OXNAD1: variants seen among roughly 807,000 people sequenced by gnomAD.
OXNAD1 encodes oxidoreductase NAD binding domain containing 1.
Under a neutral mutation model 32.9 loss-of-function variants are expected in OXNAD1, and 34 were observed. That is an observed-to-expected ratio of 1.03 (90% CI 0.79 to 1.38). OXNAD1 has a LOEUF of 1.38. Ranked by LOEUF, OXNAD1 falls within the 40% of genes most tolerant of loss-of-function variation. The probability of loss-of-function intolerance (pLI) is 0.00; values close to 1 mark genes in which losing one functional copy is unlikely to be tolerated. For synonymous variants in OXNAD1, 134 were observed against 135.2 expected (o/e 0.99, Z 0.06); for missense variants, 407 against 379.4 (o/e 1.07, Z -0.60).
At chr3:16,272,865 T>A (rs1163330492) in intron 4 of OXNAD1, among the ~76,000 whole-genome samples, 1 of 152,108 alleles carries the variant, frequency 6.6e-6, no homozygotes, top group Non-Finnish European at 1.5e-5. Flanking sequence ...AAAAAAGTGA[T>A]TTATCTTACA....
chr3:16,343,677 T>C (rs1379280793), intron 9 of OXNAD1, among the ~76,000 whole-genome samples: 2 of 152,248 alleles, frequency 1.3e-5, no homozygotes, highest in African/African-American at 4.8e-5. Context: ...TTCTAAGCAG[T>C]GCTAACCTCA....
At position 16,265,867 on chromosome 3, in the gene OXNAD1, C is replaced by T; in HGVS notation, c.-159+362C>T. The T allele has an allele frequency of 1.0e-6, 1 of 985,228 alleles. No individual in the cohort carries two copies. The allele number at this position is 985,228 out of a possible 1,614,324, so 61.0% of individuals were successfully genotyped here. On this transcript the variant is annotated intron_variant, in intron 1 of 8. Transcript: ENST00000285083. This position sits in a 1 kb window ranked among gnomAD's most constrained non-coding sequence, Gnocchi z 4.8. The stretch of plus-strand genomic sequence containing the variant: ...CAGGAACAAATTACTTATGTGAGTA[C>T]CAGTTTTTTCGTTGTGAAAGAAATG...
downstream of OXNAD1, among the ~76,000 whole-genome samples, chr3:16,311,011 A>AAAAAAAAAAAAAAG (rs1472119686): frequency 1.5e-5 from 2 of 136,178 alleles, 1 homozygote; most frequent in African/African-American, 6.2e-5. Flanking sequence ...AAAAAAAAAA[A>AAAAAAAAAAAAAAG]AAATCATCTG....
intron 6 of OXNAD1, among the ~76,000 whole-genome samples, chr3:16,300,103 G>T (rs996917340): frequency 2.0e-5 from 3 of 152,084 alleles, no homozygotes; most frequent in Non-Finnish European, 4.4e-5. Flanking sequence ...TAGATCAGTG[G>T]TTTTTTTCCA....
At chr3:16,275,685 TAAC>T (rs2065269733) in intron 4 of OXNAD1, 1 of 176,908 alleles carries the variant, frequency 5.7e-6, no homozygotes, top group African/African-American at 2.4e-5. Flanking sequence ...ATAAAAGAAT[TAAC>T]TACGGGTTTA....
rs568960250 is a variant in OXNAD1 at position 16,304,858 on chromosome 3, A to G, written c.*1296A>G. ...CAGGGACTTGTGGGCTTGAACAGAT[A>G]TGATTCATGGGACCTGAAGGTGACT... On this transcript the variant is annotated 3_prime_UTR_variant, in exon 9 of 9. Transcript: ENST00000285083. The surrounding 1 kb of genome is among the most constrained non-coding windows in gnomAD (Gnocchi z 4.6). The G allele has an allele frequency of 2.6e-5, 4 of 152,372 alleles. No homozygotes were observed. In the South Asian group the frequency reaches 8.3e-4, roughly 32 times the overall value. 9.4% of individuals were successfully genotyped at this position (152,372 alleles called of 1,614,324 possible). A position where few individuals can be genotyped will look rare whatever the true frequency, so the allele number is the denominator to read the frequency against.
rs997496708 is a variant in OXNAD1 at position 16,277,163 on chromosome 3, A to C, written c.183+5441A>C. 1.3e-5 allele frequency among the ~76,000 whole-genome samples: 2 copies of C among 151,696 alleles called. No homozygotes were observed. Among genetic ancestry groups the C allele is most frequent in the Non-Finnish European group, 2.9e-5 (2 of 67,878 alleles). On this transcript the variant is annotated intron_variant, in intron 4 of 8. Coordinates refer to ENST00000285083, the MANE Select transcript of OXNAD1 (RefSeq NM_138381.5). This position sits in a 1 kb window ranked among gnomAD's most constrained non-coding sequence, Gnocchi z 4.3. ...AGGCTTGTCTTGAACTCCTGACCTC[A>C]TGATCTGCCCTCCTCGGCCTCCCAA...
chr3:16,308,126 CTA>C (rs767987053), downstream of OXNAD1, among the ~76,000 whole-genome samples: 8 of 152,138 alleles, frequency 5.3e-5, no homozygotes, highest in Non-Finnish European at 8.8e-5. The surrounding 1 kb of genome is among the most constrained non-coding windows in gnomAD (Gnocchi z 4.4). Context: ...CTTTGGGAAA[CTA>C]TTTTTTTGTA....
At chr3:16,273,746 A>G (rs928404369) in intron 4 of OXNAD1, among the ~76,000 whole-genome samples, 2 of 152,220 alleles carry the variant, frequency 1.3e-5, no homozygotes, top group Admixed American at 1.3e-4. Context: ...GAACTTGCAC[A>G]GCATCCATCA....
At chr3:16,343,886 T>C in intron 9 of OXNAD1, among the ~76,000 whole-genome samples, 1 of 152,194 alleles carries the variant, frequency 6.6e-6, no homozygotes, top group South Asian at 2.1e-4. Context: ...CAAAGCCAGC[T>C]GATAGTCTTA....
chr3:16,315,305 G>A (rs1218422294), intron 9 of OXNAD1, among the ~76,000 whole-genome samples: 2 of 152,160 alleles, frequency 1.3e-5, no homozygotes, highest in South Asian at 4.2e-4. Flanking sequence ...TAGTAGAGAC[G>A]GGGTTTCACC....
chr3:16,324,034 T>TCACTTC, intron 9 of OXNAD1, among the ~76,000 whole-genome samples: 1 of 152,046 alleles, frequency 6.6e-6, no homozygotes, highest in South Asian at 2.1e-4. Context: ...TACAGTGAAT[T>TCACTTC]CTCTCTTCCC....
rs1226028421 is a variant in OXNAD1, at chr3:16,269,003, A to G, written c.-158-123A>G. 8.1e-6 allele frequency: 6 copies of G among 740,508 alleles called. 1 individual carries two copies. Among genetic ancestry groups the G allele is most frequent in the Non-Finnish European group, 1.1e-5 (6 of 528,388 alleles). The allele number at this position is 740,508 out of a possible 1,614,324, so 45.9% of individuals were successfully genotyped here. On this transcript the variant is annotated intron_variant, in intron 1 of 8. Transcript: ENST00000285083. ...AATGGATGGAGAGGGGGTAATTGAG[A>G]GTGGGCTTGTTGTGAGGTGATGCCT... is the stretch of plus-strand genomic sequence containing the variant.
chr3:16,341,918 A>G (rs1200415696), downstream of OXNAD1, among the ~76,000 whole-genome samples: 3 of 152,196 alleles, frequency 2.0e-5, no homozygotes, highest in Admixed American at 1.3e-4. This position sits in a 1 kb window ranked among gnomAD's most constrained non-coding sequence, Gnocchi z 4.7. Flanking sequence ...GGATTATCCT[A>G]AGATGCTATG....
intron 4 of OXNAD1, among the ~76,000 whole-genome samples, chr3:16,283,508 A>G (rs148308782): frequency 9.8e-5 from 15 of 152,360 alleles, no homozygotes; most frequent in African/African-American, 3.4e-4. Context: ...TATCAACTGA[A>G]TGAATGAATG....
chr3:16,280,199 A>C lies in OXNAD1; in HGVS notation c.184-6143A>C, dbSNP rs956249498. On this transcript the variant is annotated intron_variant, in intron 4 of 8. Coordinates refer to ENST00000285083, the MANE Select transcript of OXNAD1 (RefSeq NM_138381.5). This position sits in a 1 kb window ranked among gnomAD's most constrained non-coding sequence, Gnocchi z 4.5. ...TGTTACATGAGGTGGGAGATCCTAGAGCTCGTGTGTTCTGATGGGGAGGGT... is the reference window on the plus strand; with the variant it reads ...TGTTACATGAGGTGGGAGATCCTAGCGCTCGTGTGTTCTGATGGGGAGGGT... Among the ~76,000 whole-genome samples, 18 of 152,114 alleles carry C rather than the reference A, an allele frequency of 1.2e-4. No homozygotes were observed. Among genetic ancestry groups the C allele is most frequent in the Admixed American group, 4.6e-4 (7 of 15,258 alleles).
rs193184299 is a variant in OXNAD1 at position 16,289,969 on chromosome 3, A to G, written c.290+3521A>G. Among the ~76,000 whole-genome samples, 186 of 152,346 alleles carry G rather than the reference A, an allele frequency of 1.2e-3. No homozygotes were observed. Among genetic ancestry groups the G allele is most frequent in the African/African-American group, 4.4e-3 (182 of 41,588 alleles). ...CTCCAGCAAGTACCACAGTGCCTGT[A>G]TATGGTAGGCAGGTGCTCTCTTAGA... On this transcript the variant is annotated intron_variant, in intron 5 of 8. Coordinates refer to ENST00000285083, the MANE Select transcript of OXNAD1 (RefSeq NM_138381.5). This position sits in a 1 kb window ranked among gnomAD's most constrained non-coding sequence, Gnocchi z 4.9.
intron 5 of OXNAD1, among the ~76,000 whole-genome samples, chr3:16,293,259 A>G (rs754470688): frequency 3.9e-5 from 6 of 151,942 alleles, no homozygotes; most frequent in Non-Finnish European, 8.8e-5. Context: ...ATTTATTCCC[A>G]ATTATTTTAT....
chr3:16,267,223 G>T (rs1559714575), intron 1 of OXNAD1, among the ~76,000 whole-genome samples: 1 of 152,140 alleles, frequency 6.6e-6, no homozygotes, highest in Non-Finnish European at 1.5e-5. Context: ...CTCTGTAGCT[G>T]TTACCTTATT....
Sources: allele counts gnomAD v4.1 joint callset (sites outside exome capture counted in the v4.1 genomes callset), GRCh38; gene constraint gnomAD v4.1.1; non-coding constraint Gnocchi (gnomAD v3.1); transcripts MANE v1.5; gene names NCBI Gene and HGNC (gene_info 2026-07-23, HGNC 2026-07-21).